MBD5: variants seen among roughly 807,000 people sequenced by gnomAD.
MBD5 encodes methyl-CpG-binding domain protein 5.
MBD5 carries 13 observed loss-of-function variants against 117.3 expected under a neutral mutation model. That is an observed-to-expected ratio of 0.11 (90% CI 0.07 to 0.18). The LOEUF is 0.18. MBD5 is among the 10% of genes least tolerant of loss of function. The pLI is 1.00. For synonymous variants in MBD5, 727 were observed against 766.4 expected (o/e 0.95, Z 0.85); for missense variants, 1,879 against 2,093.8 (o/e 0.90, Z 2.00).
intron 3 of MBD5, among the ~76,000 whole-genome samples, chr2:148,324,163 C>T (rs1482137646): frequency 5.9e-5 from 9 of 151,866 alleles, no homozygotes; most frequent in African/African-American, 1.5e-4. Flanking sequence ...AGATATGTGG[C>T]GTTATTTCTG....
chr2:148,080,548 A>C (rs935604415), intron 1 of MBD5, among the ~76,000 whole-genome samples: 12 of 152,082 alleles, frequency 7.9e-5, no homozygotes, highest in Admixed American at 3.9e-4. Context: ...TTAGGCTTAA[A>C]TCTTTTAGTA....
intron 4 of MBD5, among the ~76,000 whole-genome samples, chr2:148,358,507 T>C (rs2105285941): frequency 6.6e-6 from 1 of 151,604 alleles, no homozygotes; most frequent in East Asian, 1.9e-4. Context: ...GTGCAGTGGC[T>C]CACGCCTGTA....
At chr2:148,320,461 C>G (rs923638610) in intron 3 of MBD5, among the ~76,000 whole-genome samples, 1 of 152,080 alleles carries the variant, frequency 6.6e-6, no homozygotes, top group Admixed American at 6.6e-5. Context: ...TCAGGTGATC[C>G]TCCCATTTCA....
At chr2:148,406,277 A>G (rs1705074884) in intron 4 of MBD5, among the ~76,000 whole-genome samples, 1 of 152,218 alleles carries the variant, frequency 6.6e-6, no homozygotes, top group Non-Finnish European at 1.5e-5. Context: ...TCCAATGTCT[A>G]AAATAACTGT....
At chr2:148,474,258 A>G (rs1265917195) in intron 8 of MBD5, among the ~76,000 whole-genome samples, 1 of 152,186 alleles carries the variant, frequency 6.6e-6, no homozygotes, top group Non-Finnish European at 1.5e-5. Flanking sequence ...TCCTCTGACT[A>G]CTGCACACCT....
chr2:148,233,321 T>A lies in MBD5; in HGVS notation c.-754T>A, dbSNP rs1700031398. On this transcript the variant is annotated 5_prime_UTR_variant, in exon 3 of 14. Transcript: ENST00000642680. ...CATCAATCCATAGAACCCTAATGCT[T>A]CTTTAGTTCCATCAAACACAGAGGA... The A allele has an allele frequency of 6.6e-6, 1 of 152,170 alleles. No individual in the cohort carries two copies. Among genetic ancestry groups the A allele is most frequent in the South Asian group, 2.1e-4 (1 of 4,830 alleles). The allele number at this position is 152,170 out of a possible 1,614,324, so 9.4% of individuals were successfully genotyped here.
chr2:148,225,297 GTT>G (rs1699793372), intron 2 of MBD5, among the ~76,000 whole-genome samples: 1 of 138,332 alleles, frequency 7.2e-6, no homozygotes, highest in Non-Finnish European at 1.6e-5. Context: ...ACTTAACACT[GTT>G]TACATAAACA....
intron 3 of MBD5, among the ~76,000 whole-genome samples, chr2:148,274,921 C>T (rs1328498648): frequency 6.6e-6 from 1 of 152,042 alleles, no homozygotes; most frequent in Admixed American, 6.6e-5. Flanking sequence ...CGGGGTTTCA[C>T]CATGTTAGCC....
chr2:148,021,797 G>C (rs2105513442), intron 1 of MBD5, 113 bp downstream of exon 1: 1 of 206,524 alleles, frequency 4.8e-6, no homozygotes, highest in Middle Eastern at 2.0e-3. Context: ...GGAGGGGGTG[G>C]TGCTGGGGGG....
chr2:148,307,093 G>A (rs1212143294), intron 3 of MBD5, among the ~76,000 whole-genome samples: 1 of 152,032 alleles, frequency 6.6e-6, no homozygotes, highest in African/African-American at 2.4e-5. Context: ...TGATTAAATG[G>A]GATCACAGGT....
At position 148,123,219 on chromosome 2, in the gene MBD5, T is replaced by C. The variant is rs1696810528; in HGVS notation, c.-924-55481T>C. 3.3e-5 allele frequency among the ~76,000 whole-genome samples: 5 copies of C among 152,210 alleles called. No individual in the cohort carries two copies. The South Asian group carries it at 1.0e-3, about 31-fold the overall frequency. On this transcript the variant is annotated intron_variant, in intron 1 of 13. Transcript: ENST00000642680. ...TGAGCTCTATCATTATGGGAAACTT[T>C]TCAAATTTTTGGAAACTTTTCAAAC...
At chr2:148,238,023 A>C (rs928660883) in intron 3 of MBD5, among the ~76,000 whole-genome samples, 3 of 152,218 alleles carry the variant, frequency 2.0e-5, no homozygotes, top group Admixed American at 1.3e-4. Flanking sequence ...ACTGCCTAAC[A>C]TGTAATTCAA....
chr2:148,483,731 A>G lies in MBD5; in HGVS notation c.3140A>G (p.Glu1047Gly). The G allele has an allele frequency of 6.4e-7, 1 of 1,550,582 alleles. No homozygotes were observed. The highest frequency in any genetic ancestry group is 1.4e-5 in the African/African-American group (1 of 73,174). ...PSNQSDNSRA[E>G]TLLTSPLGNP... ...AATCAGTCAGACAACAGCCGAGCTG[A>G]GACCCTTTTAACCAGCCCCCTGGGG... The change falls in exon 9 of 14, where the codon GAG (glutamate) becomes GGG (glycine). Residue 1047 changes from glutamate (E) to glycine (G), a missense_variant. Physicochemically the swap from Glu to Gly is moderately conservative, Grantham distance 98. Coordinates refer to ENST00000642680, the MANE Select transcript of MBD5 (RefSeq NM_001378120.1).
intron 3 of MBD5, among the ~76,000 whole-genome samples, chr2:148,282,593 A>G (rs1701274390): frequency 6.6e-6 from 1 of 151,976 alleles, no homozygotes; most frequent in Non-Finnish European, 1.5e-5. Flanking sequence ...TAATTAGCAT[A>G]GCATTATGAA....
intron 3 of MBD5, among the ~76,000 whole-genome samples, chr2:148,268,197 C>T (rs1012923503): frequency 5.3e-5 from 8 of 152,034 alleles, no homozygotes; most frequent in South Asian, 2.1e-4. Flanking sequence ...GGGATCTGCC[C>T]GCCTTGGCCT....
rs1682266246 is a variant in MBD5 at position 148,513,072 on chromosome 2, T to C, written c.*131T>C. 1 of 944,404 alleles carries C rather than the reference T, an allele frequency of 1.1e-6. No individual in the cohort carries two copies. Among genetic ancestry groups the C allele is most frequent in the Non-Finnish European group, 1.6e-6 (1 of 609,918 alleles). The allele number at this position is 944,404 out of a possible 1,614,324, so 58.5% of individuals were successfully genotyped here. On this transcript the variant is annotated 3_prime_UTR_variant, in exon 14 of 14. Transcript: ENST00000642680. ...GCAGATAGCTACCACCACCACAGGG[T>C]GCTAAAAGAAACAGTGATACAAAAT...
At chr2:148,403,171 A>C (rs1020849855) in intron 4 of MBD5, among the ~76,000 whole-genome samples, 9 of 132,662 alleles carry the variant, frequency 6.8e-5, no homozygotes, top group Non-Finnish European at 1.3e-4. Flanking sequence ...TATAATAACT[A>C]TATTAATGTT....
intron 1 of MBD5, among the ~76,000 whole-genome samples, chr2:148,132,447 T>C (rs1697073894): frequency 1.3e-5 from 2 of 151,564 alleles, no homozygotes; most frequent in African/African-American, 2.4e-5. Context: ...GGAATGAATC[T>C]TAAGTGAAGT....
At chr2:148,030,290 G>A (rs1694002979) in intron 1 of MBD5, among the ~76,000 whole-genome samples, 1 of 151,728 alleles carries the variant, frequency 6.6e-6, no homozygotes, top group African/African-American at 2.4e-5. Context: ...AAAAAAAAAA[G>A]TTGGGAAATA....
Sources: gnomAD v4.1 joint callset for allele counts (sites outside exome capture counted in the v4.1 genomes callset) on GRCh38, gnomAD v4.1.1 for gene constraint, MANE v1.5 for transcripts, NCBI Gene and HGNC (gene_info 2026-07-23, HGNC 2026-07-21) for gene names.